MRNIP: variants seen among roughly 807,000 people sequenced by gnomAD.
The protein encoded by MRNIP is MRN complex interacting protein.
Under a neutral mutation model 29.8 loss-of-function variants are expected in MRNIP, and 30 were observed. The ratio of observed to expected loss-of-function variants is 1.01; its 90% confidence interval spans 0.75 to 1.36. The LOEUF is 1.36. MRNIP is among the 40% of genes most tolerant of loss of function. MRNIP has a pLI of 0.00. For missense variants in MRNIP, 459 were observed against 423.5 expected (o/e 1.08, Z -0.74); for synonymous variants, 201 against 164.1 (o/e 1.23, Z -1.72).
In MRNIP at chr5:179,838,200, A is replaced by G. The variant is rs1758700059; in HGVS notation, c.538-315T>C. 7.1e-6 allele frequency: 3 copies of G among 420,498 alleles called. No individual in the cohort carries two copies. The South Asian group carries it at 8.7e-5, about 12-fold the overall frequency. The allele number at this position is 420,498 out of a possible 1,614,324, so 26.0% of individuals were successfully genotyped here. A position where few individuals can be genotyped will look rare whatever the true frequency, so the allele number is the denominator to read the frequency against. Reference sequence around the variant, plus strand: ...GTGCCTACAAAAGAATTTTGAGCAGAAGGGCCTCGAGACATCGGGAAAGGG... The same window carrying G: ...GTGCCTACAAAAGAATTTTGAGCAGGAGGGCCTCGAGACATCGGGAAAGGG... On this transcript the variant is annotated intron_variant, in intron 6 of 6. Coordinates refer to ENST00000292586, the MANE Select transcript of MRNIP (RefSeq NM_016175.4).
At chr5:179,851,317 G>C in intron 2 of MRNIP, 1 of 456,076 alleles carries the variant, frequency 2.2e-6, no homozygotes, top group Non-Finnish European at 4.4e-6. Context: ...GAGTCAGCCT[G>C]GGCCAACCAG....
chr5:179,854,133 G>A (rs1294401656), intron 1 of MRNIP, among the ~76,000 whole-genome samples: 1 of 148,894 alleles, frequency 6.7e-6, no homozygotes, highest in Non-Finnish European at 1.5e-5. Context: ...CCATTCTCCT[G>A]TGTCAGCCTC....
chr5:179,842,530 C>A (rs1313535248), intron 4 of MRNIP, among the ~76,000 whole-genome samples: 6 of 140,686 alleles, frequency 4.3e-5, no homozygotes, highest in African/African-American at 1.4e-4. Flanking sequence ...AAAAAAACAA[C>A]AACAAAAAAA....
chr5:179,842,989 C>T (rs143234976), intron 4 of MRNIP, among the ~76,000 whole-genome samples: 448 of 143,702 alleles, frequency 3.1e-3, no homozygotes, highest in African/African-American at 3.7e-3. Context: ...GCTGAGATCA[C>T]GCCACTGCAC....
At chr5:179,844,726 G>A (rs1478418850) in intron 3 of MRNIP, among the ~76,000 whole-genome samples, 3 of 152,070 alleles carry the variant, frequency 2.0e-5, no homozygotes, top group Non-Finnish European at 2.9e-5. Flanking sequence ...CATCCAGCTG[G>A]TATTTGATTT....
intron 1 of MRNIP, among the ~76,000 whole-genome samples, chr5:179,855,028 A>G (rs1230245193): frequency 6.6e-6 from 1 of 152,240 alleles, no homozygotes; most frequent in Non-Finnish European, 1.5e-5. Flanking sequence ...ATTATAAAGG[A>G]GCGGAAAACC....
At chr5:179,848,513 A>C (rs1046827188) in intron 2 of MRNIP, among the ~76,000 whole-genome samples, 3 of 152,224 alleles carry the variant, frequency 2.0e-5, no homozygotes, top group Non-Finnish European at 4.4e-5. Flanking sequence ...TTCATCCAAC[A>C]AATATTTATT....
rs116555238 is a variant in MRNIP at position 179,854,975 on chromosome 5, T to C, written c.67-1538A>G. Among the ~76,000 whole-genome samples, 896 of 152,274 alleles carry C rather than the reference T, an allele frequency of 5.9e-3. 6 individuals carry two copies. Among genetic ancestry groups the C allele is most frequent in the Non-Finnish European group, 1.0e-2 (679 of 68,026 alleles). Reference sequence around the variant, plus strand: ...ATTATTTACCATTTTTTTCTGGATGTACTAGCCAATGGAATTAGAAGAAAG... The same window carrying C: ...ATTATTTACCATTTTTTTCTGGATGCACTAGCCAATGGAATTAGAAGAAAG... On this transcript the variant is annotated intron_variant, in intron 1 of 6. Transcript: ENST00000292586.
intron 1 of MRNIP, 70 bp from the exon 2 acceptor site, chr5:179,853,507 T>C (rs1759457224): frequency 7.6e-7 from 1 of 1,320,024 alleles, no homozygotes; most frequent in Non-Finnish European, 1.1e-6. Flanking sequence ...CTGGACTCGG[T>C]GGCTCATGCC....
In MRNIP at chr5:179,837,337, G is replaced by GA; in HGVS notation, c.*53dup. On this transcript the variant is annotated 3_prime_UTR_variant, in exon 7 of 7. Transcript: ENST00000292586. ...GAGTATCTTTAAAAGTGCCTTAGGG[G>GA]AACCCTGTCCCTCCTAACAAGTGTA... is the stretch of plus-strand genomic sequence containing the variant. The GA allele has an allele frequency of 6.3e-7, 1 of 1,586,026 alleles. No individual in the cohort carries two copies. The highest frequency in any genetic ancestry group is 8.6e-7 in the Non-Finnish European group (1 of 1,165,978).
intron 6 of MRNIP, 110 bp downstream of exon 6, chr5:179,840,762 G>A (rs1758843604): frequency 6.0e-6 from 5 of 834,966 alleles, no homozygotes. Flanking sequence ...TGGGAAGATG[G>A]GCTTTCTGCG....
intron 1 of MRNIP, among the ~76,000 whole-genome samples, chr5:179,856,143 T>A (rs1451428092): frequency 6.6e-6 from 1 of 151,804 alleles, no homozygotes; most frequent in Non-Finnish European, 1.5e-5. Context: ...CCTGACCTCA[T>A]GATCTGCCCC....
Position 179,858,779 on chromosome 5 carries a change from A to C in MRNIP, c.18T>G (p.Arg6=), listed in dbSNP as rs775179413. 2.6e-6 allele frequency: 4 copies of C among 1,540,708 alleles called. No individual in the cohort carries two copies. The African/African-American group carries it at 4.1e-5, about 16-fold the overall frequency. Residue 6 remains arginine (R), a synonymous_variant, in exon 1 of 7, where the codon CGT becomes CGG. Coordinates refer to ENST00000292586, the MANE Select transcript of MRNIP (RefSeq NM_016175.4). The stretch of plus-strand genomic sequence containing the variant: ...AGCTGCAGCAGCGTAGCACCCGAGA[A>C]CGCTGAAGCGACGCCATCCCTGCTT... MASLQ[R]SRVLRCCSCR...
intron 6 of MRNIP, chr5:179,840,205 G>A: frequency 6.6e-6 from 1 of 152,396 alleles, no homozygotes; most frequent in Non-Finnish European, 1.5e-5. Context: ...CTCCCAAAGT[G>A]CTGAGATTAC....
At chr5:179,856,727 C>T (rs971984408) in intron 1 of MRNIP, among the ~76,000 whole-genome samples, 2 of 152,196 alleles carry the variant, frequency 1.3e-5, no homozygotes, top group Admixed American at 6.5e-5. Context: ...CCCTAGTGGG[C>T]TTCCCAAAGT....
At chr5:179,849,267 C>T (rs1168786314) in intron 2 of MRNIP, among the ~76,000 whole-genome samples, 14 of 91,630 alleles carry the variant, frequency 1.5e-4, no homozygotes, top group Admixed American at 5.8e-4. Flanking sequence ...TTTGAGAGTA[C>T]GGGTCCTGCT....
rs949116045 is a variant in MRNIP, at chr5:179,837,885, C to T, written c.538G>A (p.Gly180Arg). 9 of 1,601,900 alleles carry T rather than the reference C, an allele frequency of 5.6e-6. No homozygotes were observed. Among genetic ancestry groups the T allele is most frequent in the Non-Finnish European group, 7.6e-6 (9 of 1,178,102 alleles). ...GSEVAWGPQK[G>R]QAGLTWKVKQ... ...ACCTTCCATGTCAGGCCAGCCTGTC[C>T]CTGAAAGAGAAGATGGCCATGCCCT... Residue 180 changes from glycine (G) to arginine (R), a missense_variant and splice_region_variant, in exon 7 of 7, where the codon GGA becomes AGA. By Grantham distance (125) the Gly-to-Arg change is moderately radical. Coordinates refer to ENST00000292586, the MANE Select transcript of MRNIP (RefSeq NM_016175.4).
At chr5:179,840,697 G>T in intron 6 of MRNIP, 175 bp downstream of exon 6, 1 of 621,368 alleles carries the variant, frequency 1.6e-6, no homozygotes, top group Non-Finnish European at 2.9e-6. Context: ...AGGGAAAAGG[G>T]GGTACAGACC....
chr5:179,842,533 CA>C (rs1293432933), intron 4 of MRNIP, among the ~76,000 whole-genome samples: 15 of 131,752 alleles, frequency 1.1e-4, no homozygotes, highest in Admixed American at 2.2e-4. Context: ...AAAACAACAA[CA>C]AAAAAAAAAC....
Sources: gnomAD v4.1 joint callset for allele counts (sites outside exome capture counted in the v4.1 genomes callset) on GRCh38, gnomAD v4.1.1 for gene constraint, MANE v1.5 for transcripts, NCBI Gene and HGNC (gene_info 2026-07-23, HGNC 2026-07-21) for gene names.